The following POLR3A variants were observed in gnomAD, a reference collection of about 807,000 sequenced individuals.
The protein encoded by POLR3A is RNA polymerase III subunit A.
POLR3A carries 112 observed loss-of-function variants against 152.8 expected under a neutral mutation model. That is an observed-to-expected ratio of 0.73 (90% CI 0.63 to 0.86). The LOEUF (loss-of-function observed/expected upper bound fraction) is 0.86, where lower values mean the gene tolerates loss of function less well. Among genes scored for constraint, POLR3A ranks in the 40% least tolerant of loss-of-function variants. POLR3A has a pLI of 0.00. For synonymous variants in POLR3A, 615 were observed against 652.1 expected, an observed-to-expected ratio of 0.94 and a Z score of 0.87; for missense variants, 1,385 against 1,743.1, an observed-to-expected ratio of 0.79 and a Z score of 3.66.
intron 29 of POLR3A, among the ~76,000 whole-genome samples, chr10:77,981,129 T>C (rs1847137039): frequency 1.3e-5 from 2 of 152,062 alleles, no homozygotes; most frequent in South Asian, 4.1e-4. Context: ...GCTTTGGCAG[T>C]GGCTAATTTT....
At chr10:78,007,512 T>C (rs892418980) in intron 15 of POLR3A, among the ~76,000 whole-genome samples, 190 bp downstream of exon 15, 1 of 152,208 alleles carries the variant, frequency 6.6e-6, no homozygotes, top group Non-Finnish European at 1.5e-5. Flanking sequence ...TTCAAATCTG[T>C]TGTGAAACTA....
intron 14 of POLR3A, 148 bp from the exon 15 acceptor site, chr10:78,008,014 GGA>G: frequency 2.2e-6 from 1 of 450,130 alleles, no homozygotes. Flanking sequence ...TTTTTTGGGG[GGA>G]GGGAGGGGGG....
At position 77,977,335 on chromosome 10, in the gene POLR3A, T is replaced by C. The variant is rs1180205110; in HGVS notation, c.*143A>G. The C allele has an allele frequency of 1.2e-6, 1 of 832,690 alleles. No homozygotes were observed. The highest frequency in any genetic ancestry group is 2.1e-6 in the Non-Finnish European group (1 of 478,150). The allele number at this position is 832,690 out of a possible 1,614,324, so 51.6% of individuals were successfully genotyped here. ...ACCCTATCAGAGGAGAAGCTGCTCC[T>C]GGGGATGCCAAGAGGGCTTCTCTGA... On this transcript the variant is annotated 3_prime_UTR_variant, in exon 31 of 31. Coordinates refer to ENST00000372371, the MANE Select transcript of POLR3A (RefSeq NM_007055.4).
intron 15 of POLR3A, among the ~76,000 whole-genome samples, chr10:78,006,724 T>C (rs923601569): frequency 6.6e-6 from 1 of 152,116 alleles, no homozygotes; most frequent in Admixed American, 6.6e-5. Context: ...AATTACTCAG[T>C]GCTTAGCACA....
intron 11 of POLR3A, among the ~76,000 whole-genome samples, chr10:78,011,089 C>T (rs777078226): frequency 1.3e-4 from 20 of 152,102 alleles, no homozygotes; most frequent in Non-Finnish European, 1.5e-4. Flanking sequence ...CTCAACTGAT[C>T]CTCCCACCTT....
intron 30 of POLR3A, among the ~76,000 whole-genome samples, chr10:77,978,241 G>A (rs1847107659): frequency 1.3e-5 from 2 of 152,164 alleles, no homozygotes; most frequent in African/African-American, 2.4e-5. Flanking sequence ...CAAGCCCCAT[G>A]TCAACCTGGC....
chr10:78,026,876 C>A (rs910636420), intron 1 of POLR3A, among the ~76,000 whole-genome samples: 5 of 152,188 alleles, frequency 3.3e-5, no homozygotes, highest in Non-Finnish European at 5.9e-5. Flanking sequence ...AAACCCCACA[C>A]ATTGAAAACA....
intron 26 of POLR3A, among the ~76,000 whole-genome samples, chr10:77,983,612 G>A (rs944140363): frequency 2.0e-5 from 3 of 152,162 alleles, no homozygotes; most frequent in African/African-American, 7.2e-5. Flanking sequence ...GCCAGCCCTA[G>A]GGTCCTTCCA....
At chr10:78,026,040 C>T in intron 2 of POLR3A, 54 bp downstream of exon 2, 1 of 1,606,464 alleles carries the variant, frequency 6.2e-7, no homozygotes, top group East Asian at 2.2e-5. Context: ...GGTAAGTCAC[C>T]AGTTTTATCA....
Position 77,977,460 on chromosome 10 carries a change from G to C in POLR3A, c.*18C>G. The C allele has an allele frequency of 6.2e-7, 1 of 1,612,940 alleles. No individual in the cohort carries two copies. The highest frequency in any genetic ancestry group is 8.5e-7 in the Non-Finnish European group (1 of 1,179,016). On this transcript the variant is annotated 3_prime_UTR_variant, in exon 31 of 31. Transcript: ENST00000372371. ...GGACAAGGAGTCAAGGTCAGGCATG[G>C]TCCCCTCTTTCTTTGGACTATGTGA... is the stretch of plus-strand genomic sequence containing the variant.
In POLR3A at chr10:77,986,151, T is replaced by A; in HGVS notation, c.2910A>T (p.Lys970Asn). ...CCQDSFLQEI[K>N]KFIKGVSEKI... ...TCTCAGAGACCCCCTTAATGAATTTTTTTATTTCCTGAAAGATTACACAGC... is the reference window on the plus strand; with the variant it reads ...TCTCAGAGACCCCCTTAATGAATTTATTTATTTCCTGAAAGATTACACAGC... Residue 970 changes from lysine to asparagine, a missense_variant, in exon 22 of 31, where the codon AAA becomes AAT. Physicochemically the swap from Lys to Asn is moderately conservative, Grantham distance 94. This residue lies in a region of POLR3A where 178 missense variants were observed against 204.6 expected (regional missense o/e 0.87). Coordinates refer to ENST00000372371, the MANE Select transcript of POLR3A (RefSeq NM_007055.4). 1.3e-6 allele frequency: 2 copies of A among 1,495,606 alleles called. No individual in the cohort carries two copies. The highest frequency in any genetic ancestry group is 1.9e-6 in the Non-Finnish European group (2 of 1,072,144). The allele number at this position is 1,495,606 out of a possible 1,614,324, so 92.6% of individuals were successfully genotyped here.
At position 78,029,452 on chromosome 10, in the gene POLR3A, T is replaced by C; in HGVS notation, c.-45A>G. ...CCTCCTTGGCACTCGGGAGGCCAGA[T>C]TAGAGAAACGATGCCCCCAGCACCT... On this transcript the variant is annotated 5_prime_UTR_variant, in exon 1 of 31. Transcript: ENST00000372371. 1 of 1,608,366 alleles carries C rather than the reference T, an allele frequency of 6.2e-7. No individual in the cohort carries two copies. Among genetic ancestry groups the C allele is most frequent in the South Asian group, 1.1e-5 (1 of 90,976 alleles).
intron 19 of POLR3A, among the ~76,000 whole-genome samples, chr10:77,999,198 G>A (rs936017147): frequency 1.7e-4 from 26 of 152,246 alleles, no homozygotes; most frequent in African/African-American, 6.3e-4. Flanking sequence ...TATACCTAAT[G>A]CTAAATGAGT....
At chr10:78,024,443 T>G (rs1195087988) in intron 5 of POLR3A, 106 bp downstream of exon 5, 2 of 1,054,738 alleles carry the variant, frequency 1.9e-6, no homozygotes, top group Admixed American at 2.0e-5. Context: ...TGGAAGAAAG[T>G]GGGTGTCTAG....
Position 77,997,315 on chromosome 10 carries a change from A to T in POLR3A, c.2616+2666T>A, listed in dbSNP as rs192267817. On this transcript the variant is annotated intron_variant, in intron 19 of 30. Coordinates refer to ENST00000372371, the MANE Select transcript of POLR3A (RefSeq NM_007055.4). ...TAGTGTTGGAAGTTCTGGCCAGGGC[A>T]ATCAAGCAGAAGGAAATAAAGGGCA... 2.5e-3 allele frequency among the ~76,000 whole-genome samples: 382 copies of T among 152,102 alleles called. 5 individuals carry two copies. The highest frequency in any genetic ancestry group is 8.5e-3 in the African/African-American group (352 of 41,490).
intron 13 of POLR3A, 93 bp downstream of exon 13, chr10:78,009,771 G>A (rs1473517286): frequency 6.2e-7 from 1 of 1,609,402 alleles, no homozygotes; most frequent in Non-Finnish European, 8.5e-7. Context: ...CTGCACTCAA[G>A]CCTAGCACCA....
In POLR3A at chr10:77,989,680, G is replaced by A. The variant is rs113437764; in HGVS notation, c.2901+1374C>T. The stretch of plus-strand genomic sequence containing the variant: ...GCTCTCTCTGGCGCTGGCAAATGCT[G>A]GGGTGCTGCTGGAGTGGGCCCTTTC... On this transcript the variant is annotated intron_variant, in intron 21 of 30. Transcript: ENST00000372371. 1.6e-3 allele frequency among the ~76,000 whole-genome samples: 251 copies of A among 152,312 alleles called. 4 individuals carry two copies. The highest frequency in any genetic ancestry group is 6.8e-3 in the Middle Eastern group (2 of 294).
chr10:78,004,685 T>G (rs530768399), intron 16 of POLR3A, 31 bp downstream of exon 16: 33 of 1,592,934 alleles, frequency 2.1e-5, no homozygotes, highest in South Asian at 1.3e-4. Context: ...GCACGGCAAG[T>G]GGCGACCCTG....
At position 77,981,555 on chromosome 10, in the gene POLR3A, T is replaced by A; in HGVS notation, c.3764A>T (p.Glu1255Val). ...GGCGGCCTCGATGCCCAGAGTTTTCTCCACCTACAGAGAGCCAGTAATGAG... is the reference window on the plus strand; with the variant it reads ...GGCGGCCTCGATGCCCAGAGTTTTCACCACCTACAGAGAGCCAGTAATGAG... ...RTTSNNTYEV[E>V]KTLGIEAART... is the part of the protein sequence containing the mutation. Residue 1255 changes from glutamate to valine, a missense_variant, in exon 29 of 31, where the codon GAG (glutamate) becomes GTG (valine). This residue lies in a region of POLR3A where 332 missense variants were observed against 400.1 expected (regional missense o/e 0.83). Transcript: ENST00000372371. The A allele has an allele frequency of 6.2e-7, 1 of 1,614,038 alleles. No homozygotes were observed. Among genetic ancestry groups the A allele is most frequent in the Non-Finnish European group, 8.5e-7 (1 of 1,179,952 alleles).
Sources: gnomAD v4.1 joint callset for allele counts (sites outside exome capture counted in the v4.1 genomes callset) on GRCh38, gnomAD v4.1.1 for gene constraint, gnomAD v4.1.1 regional missense constraint, MANE v1.5 for transcripts, NCBI Gene and HGNC (gene_info 2026-07-23, HGNC 2026-07-21) for gene names.